Variants in GRIK2 observed in about 807,000 individuals in gnomAD.
GRIK2 encodes glutamate receptor ionotropic, kainate 2.
Under a neutral mutation model 100.3 loss-of-function variants are expected in GRIK2, and 32 were observed. That is an observed-to-expected ratio of 0.32 (90% confidence interval 0.24 to 0.43). The LOEUF is 0.43. Among genes scored for constraint, GRIK2 ranks in the 20% least tolerant of loss-of-function variants. GRIK2 has a pLI of 1.00. For missense variants in GRIK2, 843 were observed against 1,114.9 expected, an observed-to-expected ratio of 0.76 and a Z score of 3.47; for synonymous variants, 417 against 389.4, an observed-to-expected ratio of 1.07 and a Z score of -0.83.
rs528763413 is a variant in GRIK2, at chr6:101,773,206, T to C, written c.952-26442T>C. On this transcript the variant is annotated intron_variant, in intron 7 of 16. Transcript: ENST00000369134. ...AATTAAAATAGTGAAGAGGGCCAGG[T>C]GCTGTGGCTCATGCCTGTAATCCCA... Among the ~76,000 whole-genome samples the C allele has an allele frequency of 4.6e-5, 7 of 152,140 alleles. No homozygotes were observed. In the South Asian group the frequency reaches 1.5e-3, roughly 32 times the overall value.
chr6:101,608,225 A>G (rs583483), intron 2 of GRIK2, among the ~76,000 whole-genome samples: 3,929 of 151,870 alleles, frequency 0.026, 173 homozygotes, highest in African/African-American at 0.09. Flanking sequence ...TTTAATCACT[A>G]TACAATATTT....
At chr6:102,066,847 G>A (rs1025134655) in intron 16 of GRIK2, among the ~76,000 whole-genome samples, 1 of 151,764 alleles carries the variant, frequency 6.6e-6, no homozygotes, top group Non-Finnish European at 1.5e-5. Flanking sequence ...CAGAAGAGTG[G>A]CGTAGACGTA....
At chr6:102,049,715 G>A (rs1327516326) in intron 15 of GRIK2, among the ~76,000 whole-genome samples, 1 of 152,106 alleles carries the variant, frequency 6.6e-6, no homozygotes, top group Non-Finnish European at 1.5e-5. Flanking sequence ...AAATACTGTT[G>A]TAAAGAGTTT....
chr6:101,998,360 T>C (rs1054717623), intron 14 of GRIK2, among the ~76,000 whole-genome samples: 5 of 152,148 alleles, frequency 3.3e-5, no homozygotes, highest in Admixed American at 6.6e-5. Context: ...TCTTTCTTTT[T>C]TCATTTTGCT....
intron 14 of GRIK2, among the ~76,000 whole-genome samples, chr6:102,006,531 C>CTAAT (rs1048546683): frequency 1.8e-4 from 28 of 151,600 alleles, no homozygotes; most frequent in African/African-American, 6.3e-4. Context: ...CCACTCCTGG[C>CTAAT]TAATTTTTGT....
At chr6:101,707,732 C>T (rs1242019630) in intron 7 of GRIK2, among the ~76,000 whole-genome samples, 1 of 150,610 alleles carries the variant, frequency 6.6e-6, no homozygotes, top group Non-Finnish European at 1.5e-5. Context: ...ACTTACTTTA[C>T]CTGAATTAAT....
intron 9 of GRIK2, among the ~76,000 whole-genome samples, chr6:101,814,751 A>G (rs1176469442): frequency 6.6e-6 from 1 of 152,180 alleles, no homozygotes; most frequent in Admixed American, 6.5e-5. Context: ...AAATGTGTTT[A>G]CTAAGGCCTT....
chr6:101,489,379 G>T (rs12200373), intron 2 of GRIK2, among the ~76,000 whole-genome samples: 4,099 of 145,956 alleles, frequency 0.028, 449 homozygotes, highest in Non-Finnish European at 0.045. Context: ...TTATTCTATT[G>T]TGGAAATCCA....
rs138479627 is a variant in GRIK2 at position 101,441,963 on chromosome 6, C to CA, written c.115+42584dup. On this transcript the variant is annotated intron_variant, in intron 2 of 16. Transcript: ENST00000369134. ...ATGTATACTTGTCTTTTGGGAGATA[C>CA]AAAAAAAAAAAAAGGGGTGAACAGG... 2.0e-3 allele frequency among the ~76,000 whole-genome samples: 271 copies of CA among 138,722 alleles called. 6 individuals carry two copies. In the East Asian group the frequency reaches 0.044, roughly 23 times the overall value. The allele number at this position is 138,722 out of a possible 152,430, so 91.0% of individuals were successfully genotyped here.
At chr6:101,767,166 G>C (rs1209153290) in intron 7 of GRIK2, among the ~76,000 whole-genome samples, 1 of 152,010 alleles carries the variant, frequency 6.6e-6, no homozygotes, top group Non-Finnish European at 1.5e-5. Flanking sequence ...ATTTGCTTTT[G>C]GTCCATTAAT....
At chr6:101,720,739 A>G (rs879093272) in intron 7 of GRIK2, among the ~76,000 whole-genome samples, 1 of 152,024 alleles carries the variant, frequency 6.6e-6, no homozygotes, top group Non-Finnish European at 1.5e-5. Context: ...AAGGAAAAAA[A>G]AAGTTTTAGT....
At chr6:101,727,031 G>T (rs577141929) in intron 7 of GRIK2, among the ~76,000 whole-genome samples, 2 of 151,888 alleles carry the variant, frequency 1.3e-5, no homozygotes, top group South Asian at 4.2e-4. Flanking sequence ...TTTTCTCTTT[G>T]TTTTTAGTAT....
intron 10 of GRIK2, among the ~76,000 whole-genome samples, chr6:101,844,397 C>A (rs1414746589): frequency 1.3e-5 from 2 of 152,074 alleles, no homozygotes; most frequent in Admixed American, 1.3e-4. Context: ...GTGTGTAATA[C>A]AGTTGAATAA....
chr6:101,396,744 G>A (rs1775025327), intron 1 of GRIK2, among the ~76,000 whole-genome samples: 3 of 152,146 alleles, frequency 2.0e-5, no homozygotes, highest in Admixed American at 2.0e-4. Flanking sequence ...TGCCAGGAGC[G>A]CTGTCCGTGG....
At chr6:101,996,918 A>G (rs1794681847) in intron 14 of GRIK2, among the ~76,000 whole-genome samples, 1 of 152,136 alleles carries the variant, frequency 6.6e-6, no homozygotes, top group East Asian at 1.9e-4. Flanking sequence ...TAAGCCCTGG[A>G]TGTAACTCAA....
intron 2 of GRIK2, among the ~76,000 whole-genome samples, chr6:101,574,871 A>C (rs1227015813): frequency 6.6e-6 from 1 of 151,842 alleles, no homozygotes; most frequent in East Asian, 1.9e-4. Flanking sequence ...TATATAATTT[A>C]GAATAATATA....
At chr6:101,678,753 G>C (rs1771023657) in intron 5 of GRIK2, among the ~76,000 whole-genome samples, 1 of 152,196 alleles carries the variant, frequency 6.6e-6, no homozygotes. Flanking sequence ...CTTTCAGCTA[G>C]TCTGGCTTCA....
intron 7 of GRIK2, among the ~76,000 whole-genome samples, chr6:101,722,737 T>C (rs544013704): frequency 1.3e-5 from 2 of 152,102 alleles, no homozygotes; most frequent in Admixed American, 1.3e-4. Flanking sequence ...TATTATGAGA[T>C]GGTGGGGAGG....
At chr6:102,063,555 A>G (rs1341405237) in intron 16 of GRIK2, among the ~76,000 whole-genome samples, 1 of 150,856 alleles carries the variant, frequency 6.6e-6, no homozygotes, top group Non-Finnish European at 1.5e-5. Flanking sequence ...CATGATTTCA[A>G]CTACACTTCT....
Sources: gnomAD v4.1 joint callset for allele counts (sites outside exome capture counted in the v4.1 genomes callset) on GRCh38, gnomAD v4.1.1 for gene constraint, MANE v1.5 for transcripts, NCBI Gene and HGNC (gene_info 2026-07-23, HGNC 2026-07-21) for gene names.